The following NLGN1 variants were observed in gnomAD, a reference collection of about 807,000 sequenced individuals.
NLGN1 encodes neuroligin 1.
NLGN1 carries 12 observed loss-of-function variants against 65.5 expected under a neutral mutation model. The observed-to-expected ratio is 0.18, with a 90% CI of 0.12 to 0.30. The LOEUF (loss-of-function observed/expected upper bound fraction) is 0.30, where lower values mean the gene tolerates loss of function less well. Among genes scored for constraint, NLGN1 ranks in the 10% least tolerant of loss-of-function variants. The pLI is 1.00. For missense variants in NLGN1, 750 were observed against 1,007.1 expected, an observed-to-expected ratio of 0.74 and a Z score of 3.46; for synonymous variants, 350 against 359.5, an observed-to-expected ratio of 0.97 and a Z score of 0.30.
chr3:173,636,545 A>G (rs1165512468), intron 3 of NLGN1, among the ~76,000 whole-genome samples: 1 of 151,470 alleles, frequency 6.6e-6, no homozygotes, highest in African/African-American at 2.4e-5. Flanking sequence ...TACTCTTAGC[A>G]TATCGTTTTT....
chr3:174,035,192 A>T (rs1730870381), intron 4 of NLGN1, among the ~76,000 whole-genome samples: 1 of 152,210 alleles, frequency 6.6e-6, no homozygotes, highest in African/African-American at 2.4e-5. Context: ...AAAGATTTAA[A>T]AATTAATAAA....
At chr3:173,861,921 A>G (rs1348293617) in intron 4 of NLGN1, among the ~76,000 whole-genome samples, 1 of 150,184 alleles carries the variant, frequency 6.7e-6, no homozygotes, top group East Asian at 2.1e-4. Flanking sequence ...ACCACACCCA[A>G]CTAATTTTTG....
At chr3:173,629,456 T>G (rs1179388476) in intron 3 of NLGN1, among the ~76,000 whole-genome samples, 1 of 152,138 alleles carries the variant, frequency 6.6e-6, no homozygotes, top group African/African-American at 2.4e-5. Flanking sequence ...TAGCAAATGA[T>G]CAATAGACAA....
intron 3 of NLGN1, among the ~76,000 whole-genome samples, chr3:173,635,620 G>C (rs182883227): frequency 6.6e-6 from 1 of 151,946 alleles, no homozygotes; most frequent in Admixed American, 6.6e-5. Context: ...TGATCACCCG[G>C]CCAGGAACTA....
At chr3:173,966,858 A>AGT (rs1417085148) in intron 4 of NLGN1, among the ~76,000 whole-genome samples, 1 of 152,214 alleles carries the variant, frequency 6.6e-6, no homozygotes, top group African/African-American at 2.4e-5. Context: ...TTGCAAGGTA[A>AGT]GTGTACACCC....
intron 4 of NLGN1, among the ~76,000 whole-genome samples, chr3:174,138,104 T>C (rs990532228): frequency 2.6e-5 from 4 of 152,214 alleles, no homozygotes; most frequent in African/African-American, 9.6e-5. Context: ...TCCCCTAATA[T>C]AATGTTTTAG....
At chr3:173,416,685 C>T (rs569017735) in intron 1 of NLGN1, among the ~76,000 whole-genome samples, 13 of 152,142 alleles carry the variant, frequency 8.5e-5, no homozygotes, top group African/African-American at 3.1e-4. Context: ...CATTCCAAAG[C>T]ATGTGAGCAT....
intron 3 of NLGN1, among the ~76,000 whole-genome samples, chr3:173,773,962 C>G (rs1366873432): frequency 1.3e-5 from 2 of 152,090 alleles, no homozygotes; most frequent in Non-Finnish European, 2.9e-5. Flanking sequence ...CCCAATCAGA[C>G]AAAGTAGCAC....
At chr3:173,426,157 G>GT (rs142005684) in intron 1 of NLGN1, among the ~76,000 whole-genome samples, 5,004 of 151,892 alleles carry the variant, frequency 0.033, 271 homozygotes, top group African/African-American at 0.12. Flanking sequence ...AAATACTACT[G>GT]TTTGTTTGTG....
rs565258311 is a variant in NLGN1, at chr3:173,546,501, A to G, written c.-320-57778A>G. Among the ~76,000 whole-genome samples, 9 of 152,320 alleles carry G rather than the reference A, an allele frequency of 5.9e-5. No individual in the cohort carries two copies. The East Asian group carries it at 1.5e-3, about 26-fold the overall frequency. ...AAAGTTTATTAGAGAAGTGCTGTTAAATAAAAATATATTGGTTAAATGAAG... is the reference window on the plus strand; with the variant it reads ...AAAGTTTATTAGAGAAGTGCTGTTAGATAAAAATATATTGGTTAAATGAAG... On this transcript the variant is annotated intron_variant, in intron 2 of 6. Coordinates refer to ENST00000457714, the Ensembl canonical transcript of NLGN1.
At chr3:174,191,683 A>T (rs892448710) in intron 4 of NLGN1, among the ~76,000 whole-genome samples, 1 of 152,180 alleles carries the variant, frequency 6.6e-6, no homozygotes, top group Admixed American at 6.5e-5. Flanking sequence ...TTGCAAAATT[A>T]CAGTTTCCAC....
Position 173,942,132 on chromosome 3 carries a change from GTGTGTGTGTA to G in NLGN1, c.646+134310_646+134319del, listed in dbSNP as rs1174809975. On this transcript the variant is annotated intron_variant, in intron 4 of 6. Coordinates refer to ENST00000457714, the Ensembl canonical transcript of NLGN1. Reference sequence around the variant, plus strand: ...GGGGTGTGTGTGTGTGTGTGTGTGTGTGTGTGTGTATGTGTGTGTGTGTGTATGTGTATAT... The same window carrying G: ...GGGGTGTGTGTGTGTGTGTGTGTGTGTGTGTGTGTGTGTGTATGTGTATAT... Among the ~76,000 whole-genome samples, 1,140 of 148,698 alleles carry G rather than the reference GTGTGTGTGTA, an allele frequency of 7.7e-3. 3 individuals carry two copies. The highest frequency in any genetic ancestry group is 0.02 in the South Asian group (95 of 4,734).
chr3:174,289,797 G>C (rs577113193), downstream of NLGN1, among the ~76,000 whole-genome samples: 103 of 150,176 alleles, frequency 6.9e-4, 1 homozygote, highest in African/African-American at 2.4e-3. Flanking sequence ...TTTCCCCAGA[G>C]ACATTGACTC....
intron 4 of NLGN1, among the ~76,000 whole-genome samples, chr3:173,872,078 G>A (rs760588929): frequency 4.6e-5 from 7 of 152,076 alleles, no homozygotes; most frequent in South Asian, 2.1e-4. Context: ...GGTAGGTCAC[G>A]AGGGATGCAC....
chr3:174,201,366 G>A (rs1734455781), intron 4 of NLGN1, among the ~76,000 whole-genome samples: 2 of 136,354 alleles, frequency 1.5e-5, no homozygotes, highest in Non-Finnish European at 3.1e-5. Flanking sequence ...AAGGAAGGAA[G>A]GAAGGAAGGA....
chr3:173,657,276 C>T (rs1025858872), intron 3 of NLGN1, among the ~76,000 whole-genome samples: 1 of 151,916 alleles, frequency 6.6e-6, no homozygotes, highest in Admixed American at 6.6e-5. Flanking sequence ...ATTTGCCTTC[C>T]CCATTCTTCC....
At chr3:173,984,755 T>G (rs1012510320) in intron 4 of NLGN1, among the ~76,000 whole-genome samples, 7 of 152,164 alleles carry the variant, frequency 4.6e-5, no homozygotes, top group Non-Finnish European at 7.4e-5. Flanking sequence ...AAAAATTGCC[T>G]GTTGCCAGCT....
intron 4 of NLGN1, among the ~76,000 whole-genome samples, chr3:174,145,332 A>C (rs984124347): frequency 5.9e-5 from 9 of 152,074 alleles, no homozygotes; most frequent in Admixed American, 5.9e-4. Context: ...GGCCAACATG[A>C]TGAAAACCCT....
At chr3:173,829,554 G>A (rs6768908) in intron 4 of NLGN1, among the ~76,000 whole-genome samples, 57 of 12,246 alleles carry the variant, frequency 4.7e-3, no homozygotes, top group African/African-American at 0.014. Context: ...GAGTGTGTGC[G>A]TGTGTGTGTG....
Sources: gnomAD v4.1 joint callset for allele counts (sites outside exome capture counted in the v4.1 genomes callset) on GRCh38, gnomAD v4.1.1 for gene constraint, MANE v1.5 for transcripts, NCBI Gene and HGNC (gene_info 2026-07-23, HGNC 2026-07-21) for gene names.